The following SMARCAD1 variants were observed in gnomAD, a reference collection of about 807,000 sequenced individuals.
SMARCAD1 encodes SNF2 related chromatin remodeling ATPase with DExD box 1.
In SMARCAD1, 25 loss-of-function variants were observed where a neutral mutation model predicts 127.1. The observed-to-expected ratio is 0.20, with a 90% CI of 0.14 to 0.27. The LOEUF is 0.27. SMARCAD1 is among the 10% of genes least tolerant of loss of function. SMARCAD1 has a pLI of 1.00. For missense variants in SMARCAD1, 807 were observed against 1,206.0 expected, an observed-to-expected ratio of 0.67 and a Z score of 4.90; for synonymous variants, 400 against 396.9, an observed-to-expected ratio of 1.01 and a Z score of -0.09.
At position 94,209,418 on chromosome 4, in the gene SMARCAD1, ATTAG is replaced by A. The variant is rs201203613; in HGVS notation, c.190+841_190+844del. 8.9e-3 allele frequency among the ~76,000 whole-genome samples: 1,360 copies of A among 152,342 alleles called. 16 individuals are homozygous for A. The highest frequency in any genetic ancestry group is 0.03 in the African/African-American group (1,232 of 41,574). Reference sequence around the variant, plus strand: ...CAGTATGATTCCTGAGCATAAACTAATTAGTTAGTTTCTTAGGAAAGGTGAAAGG... The same window carrying A: ...CAGTATGATTCCTGAGCATAAACTAATTAGTTTCTTAGGAAAGGTGAAAGG... On this transcript the variant is annotated intron_variant, in intron 2 of 23. Coordinates refer to ENST00000354268, the MANE Select transcript of SMARCAD1 (RefSeq NM_020159.5).
At chr4:94,245,376 A>G (rs1748256506) in intron 6 of SMARCAD1, among the ~76,000 whole-genome samples, 1 of 152,216 alleles carries the variant, frequency 6.6e-6, no homozygotes, top group Admixed American at 6.5e-5. Context: ...CTGTGAAAAT[A>G]ATTGGACTGC....
intron 6 of SMARCAD1, among the ~76,000 whole-genome samples, chr4:94,243,286 G>A (rs1181609631): frequency 6.6e-6 from 1 of 152,238 alleles, no homozygotes; most frequent in Non-Finnish European, 1.5e-5. Context: ...AATAGTTGAA[G>A]AAGGGGCAGC....
At chr4:94,269,789 C>T (rs905098194) in intron 10 of SMARCAD1, among the ~76,000 whole-genome samples, 5 of 151,990 alleles carry the variant, frequency 3.3e-5, no homozygotes, top group Admixed American at 3.3e-4. Flanking sequence ...CCACCTCAGT[C>T]TCCTGAGTAG....
chr4:94,211,954 G>C (rs1215552355), intron 2 of SMARCAD1, among the ~76,000 whole-genome samples: 1 of 120,220 alleles, frequency 8.3e-6, no homozygotes, highest in Non-Finnish European at 1.6e-5. Flanking sequence ...CTTTCATTAT[G>C]TAGTTGTGTA....
intron 9 of SMARCAD1, among the ~76,000 whole-genome samples, chr4:94,262,904 AAAAG>A (rs1164354406): frequency 2.9e-4 from 28 of 97,100 alleles, no homozygotes; most frequent in African/African-American, 8.3e-4. Context: ...AAAAAAAAAA[AAAAG>A]AAAGAAAAGA....
chr4:94,271,428 A>T (rs1228849053), intron 11 of SMARCAD1, among the ~76,000 whole-genome samples: 2 of 152,210 alleles, frequency 1.3e-5, no homozygotes, highest in Non-Finnish European at 2.9e-5. Context: ...TTAATCTAAC[A>T]TCTCTATTCC....
chr4:94,251,941 T>C (rs1749340253), intron 8 of SMARCAD1, among the ~76,000 whole-genome samples: 1 of 152,170 alleles, frequency 6.6e-6, no homozygotes, highest in Non-Finnish European at 1.5e-5. Flanking sequence ...AACCTCCACC[T>C]CCCAGGTTCA....
chr4:94,210,929 CAAAAAAA>C (rs747690168), intron 2 of SMARCAD1, among the ~76,000 whole-genome samples: 4 of 57,050 alleles, frequency 7.0e-5, no homozygotes, highest in Non-Finnish European at 8.7e-5. Flanking sequence ...GACTGTATCT[CAAAAAAA>C]AAAAAAAAAA....
At chr4:94,221,957 T>G (rs1744210253) in intron 2 of SMARCAD1, among the ~76,000 whole-genome samples, 1 of 152,102 alleles carries the variant, frequency 6.6e-6, no homozygotes, top group Non-Finnish European at 1.5e-5. Flanking sequence ...CAGCAAACTT[T>G]TAGGGGAGTC....
chr4:94,238,551 G>A (rs1048497182), intron 5 of SMARCAD1, among the ~76,000 whole-genome samples: 4 of 152,070 alleles, frequency 2.6e-5, no homozygotes, highest in Non-Finnish European at 5.9e-5. Flanking sequence ...TACTTTAAAA[G>A]CTTCTGAGCT....
chr4:94,228,242 G>A (rs75734162), intron 3 of SMARCAD1, among the ~76,000 whole-genome samples: 1,598 of 152,082 alleles, frequency 0.011, 24 homozygotes, highest in African/African-American at 0.036. Flanking sequence ...TGGAAAAATT[G>A]TAGAAAAGTT....
At chr4:94,243,863 A>T (rs1455106123) in intron 6 of SMARCAD1, among the ~76,000 whole-genome samples, 1 of 152,212 alleles carries the variant, frequency 6.6e-6, no homozygotes, top group Non-Finnish European at 1.5e-5. Flanking sequence ...TCTCAAACCT[A>T]CCTAAGCATT....
chr4:94,214,803 A>AT (rs796334033), intron 2 of SMARCAD1, among the ~76,000 whole-genome samples: 2,045 of 146,160 alleles, frequency 0.014, 37 homozygotes, highest in African/African-American at 0.042. Flanking sequence ...TGTTTGATGA[A>AT]TTTTTTTTTT....
At chr4:94,261,571 G>A (rs1750985125) in intron 9 of SMARCAD1, among the ~76,000 whole-genome samples, 1 of 152,082 alleles carries the variant, frequency 6.6e-6, no homozygotes, top group Admixed American at 6.5e-5. Flanking sequence ...TTTACCATGT[G>A]GTGTATTTTA....
intron 10 of SMARCAD1, among the ~76,000 whole-genome samples, chr4:94,268,925 A>G (rs1482404115): frequency 6.6e-6 from 1 of 152,216 alleles, no homozygotes; most frequent in Non-Finnish European, 1.5e-5. Flanking sequence ...CTATGATAAC[A>G]TGTTCCATTT....
intron 3 of SMARCAD1, among the ~76,000 whole-genome samples, chr4:94,226,888 G>C (rs1447149562): frequency 6.6e-6 from 1 of 150,738 alleles, no homozygotes; most frequent in Non-Finnish European, 1.5e-5. Flanking sequence ...GTTTTTTCTA[G>C]AGGTGGGGTC....
intron 3 of SMARCAD1, among the ~76,000 whole-genome samples, chr4:94,226,642 G>A (rs1446304880): frequency 6.6e-6 from 1 of 151,210 alleles, no homozygotes; most frequent in African/African-American, 2.4e-5. Flanking sequence ...TAAAGTCCAT[G>A]AATCAAGTCA....
intron 21 of SMARCAD1, 126 bp from the exon 22 acceptor site, chr4:94,282,995 A>T (rs1754328398): frequency 1.3e-6 from 1 of 762,496 alleles, no homozygotes; most frequent in Non-Finnish European, 2.1e-6. Flanking sequence ...GAGGAGAAAT[A>T]ACTGCAATAC....
chr4:94,270,890 C>T (rs1752451070), intron 11 of SMARCAD1, 72 bp downstream of exon 11: 1 of 1,440,110 alleles, frequency 6.9e-7, no homozygotes, highest in African/African-American at 1.4e-5. Flanking sequence ...TCATTTAAAA[C>T]ATGAAACTTT....
Sources: gnomAD v4.1 joint callset for allele counts (sites outside exome capture counted in the v4.1 genomes callset) on GRCh38, gnomAD v4.1.1 for gene constraint, MANE v1.5 for transcripts, NCBI Gene and HGNC (gene_info 2026-07-23, HGNC 2026-07-21) for gene names.